The following KDM4C variants were observed in gnomAD, a reference collection of about 807,000 sequenced individuals.
KDM4C encodes the protein lysine demethylase 4C.
KDM4C carries 81 observed loss-of-function variants against 129.3 expected under a neutral mutation model. That is an observed-to-expected ratio of 0.63 (90% CI 0.52 to 0.75). KDM4C has a LOEUF of 0.75. KDM4C is among the 30% of genes least tolerant of loss of function. KDM4C has a pLI of 0.00. For synonymous variants in KDM4C, 573 were observed against 456.1 expected, an observed-to-expected ratio of 1.26 and a Z score of -3.26; for missense variants, 1,457 against 1,304.0, an observed-to-expected ratio of 1.12 and a Z score of -1.81.
rs1455710444 is a variant in KDM4C at position 6,939,972 on chromosome 9, A to ACCTTCCTT, written c.922-40950_922-40949insTCCTTCCT. The stretch of plus-strand genomic sequence containing the variant: ...AATCCAATAACCAACCTACCTACCT[A>ACCTTCCTT]CCTACCTTCCTTCCTTCCTTCCTTC... On this transcript the variant is annotated intron_variant, in intron 8 of 21. Coordinates refer to ENST00000381309, the MANE Select transcript of KDM4C (RefSeq NM_015061.6). Among the ~76,000 whole-genome samples the ACCTTCCTT allele has an allele frequency of 3.2e-3, 336 of 106,410 alleles. 4 individuals are homozygous for ACCTTCCTT. Among genetic ancestry groups the ACCTTCCTT allele is most frequent in the South Asian group, 0.011 (36 of 3,192 alleles). 69.8% of individuals were successfully genotyped at this position (106,410 alleles called of 152,430 possible). A position where few individuals can be genotyped will look rare whatever the true frequency, so the allele number is the denominator to read the frequency against.
chr9:6,757,682 T>G (rs1563934850), upstream of KDM4C: 4 of 985,474 alleles, frequency 4.1e-6, no homozygotes, highest in South Asian at 1.9e-4. Context: ...GTGTGGCGCG[T>G]GGACTACATC....
intron 18 of KDM4C, chr9:7,105,310 C>T (rs1262774436): frequency 5.3e-6 from 2 of 376,400 alleles, no homozygotes; most frequent in Admixed American, 3.1e-5. Flanking sequence ...CTGCCAGTAA[C>T]AGATTGTGCA....
intron 7 of KDM4C, among the ~76,000 whole-genome samples, chr9:6,891,341 G>C (rs1162692479): frequency 6.6e-6 from 1 of 152,194 alleles, no homozygotes; most frequent in Non-Finnish European, 1.5e-5. Context: ...AGGAAGTGAA[G>C]TACTGGCACA....
chr9:7,168,066 T>C (rs1844583428), intron 20 of KDM4C, among the ~76,000 whole-genome samples: 1 of 152,148 alleles, frequency 6.6e-6, no homozygotes, highest in African/African-American at 2.4e-5. Flanking sequence ...GGCATGCTTA[T>C]AATTACAGCT....
At chr9:6,986,260 A>C (rs190872732) in intron 10 of KDM4C, 84 bp from the exon 11 acceptor site, 1 of 912,506 alleles carries the variant, frequency 1.1e-6, no homozygotes, top group Non-Finnish European at 1.7e-6. Context: ...TGTAAGATAC[A>C]GAATCATTTG....
intron 1 of KDM4C, among the ~76,000 whole-genome samples, chr9:6,770,006 C>T (rs1315387985): frequency 8.6e-5 from 13 of 152,026 alleles, no homozygotes; most frequent in African/African-American, 3.1e-4. Flanking sequence ...CATGAGGAAA[C>T]CCTCTCTGCT....
At chr9:7,071,723 C>T (rs1833219959) in intron 17 of KDM4C, among the ~76,000 whole-genome samples, 1 of 152,034 alleles carries the variant, frequency 6.6e-6, no homozygotes, top group African/African-American at 2.4e-5. Context: ...TATGAGATTT[C>T]TTAGATAAAT....
exon 1 of KDM4C, chr9:6,720,959 A>C: frequency 6.4e-7 from 1 of 1,551,620 alleles, no homozygotes; most frequent in Non-Finnish European, 8.7e-7. Context: ...ATGAAGCACT[A>C]TGGGCTGCCC....
At chr9:7,121,684 A>G (rs1211361096) in intron 18 of KDM4C, among the ~76,000 whole-genome samples, 6 of 152,134 alleles carry the variant, frequency 3.9e-5, no homozygotes, top group African/African-American at 1.4e-4. Context: ...ATCACCAGAC[A>G]TGCTCCAAAT....
intron 3 of KDM4C, among the ~76,000 whole-genome samples, chr9:6,806,495 G>A (rs1279873874): frequency 1.5e-5 from 2 of 132,234 alleles, no homozygotes; most frequent in Non-Finnish European, 3.3e-5. Flanking sequence ...ACTCCGTCTC[G>A]AAAAAATAAA....
chr9:6,814,451 C>G (rs1322716098), intron 3 of KDM4C, among the ~76,000 whole-genome samples, 180 bp from the exon 4 acceptor site: 2 of 152,150 alleles, frequency 1.3e-5, no homozygotes, highest in African/African-American at 2.4e-5. Context: ...ATTCAGCAAT[C>G]TTAAGACTAT....
chr9:7,019,430 C>T (rs1207496460), intron 15 of KDM4C, among the ~76,000 whole-genome samples: 1 of 142,224 alleles, frequency 7.0e-6, no homozygotes, highest in Non-Finnish European at 1.5e-5. Context: ...CACTAACTCT[C>T]ATTCCTAATT....
At chr9:7,139,471 T>C (rs922901736) in intron 19 of KDM4C, among the ~76,000 whole-genome samples, 9 of 152,154 alleles carry the variant, frequency 5.9e-5, no homozygotes, top group Non-Finnish European at 7.3e-5. Flanking sequence ...CCTGAAGTCA[T>C]GTTGAAATAC....
At chr9:7,037,879 C>T (rs1457664892) in intron 15 of KDM4C, among the ~76,000 whole-genome samples, 1 of 151,978 alleles carries the variant, frequency 6.6e-6, no homozygotes, top group Non-Finnish European at 1.5e-5. Flanking sequence ...GGCTGACTAG[C>T]AGTATAGCCA....
intron 8 of KDM4C, chr9:6,925,562 C>T: frequency 1.0e-6 from 1 of 982,730 alleles, no homozygotes; most frequent in Non-Finnish European, 1.2e-6. Context: ...TCCCGAAGTT[C>T]TGGTACAAGT....
intron 18 of KDM4C, among the ~76,000 whole-genome samples, chr9:7,107,141 G>A (rs537899608): frequency 6.6e-6 from 1 of 152,246 alleles, no homozygotes; most frequent in East Asian, 1.9e-4. Flanking sequence ...CTCATCTGTC[G>A]GTGTGTGTAG....
intron 8 of KDM4C, among the ~76,000 whole-genome samples, chr9:6,972,107 T>A (rs1004364684): frequency 1.3e-5 from 2 of 151,944 alleles, no homozygotes; most frequent in Non-Finnish European, 1.5e-5. Context: ...TAACAATGGG[T>A]ACGAAATAAA....
At chr9:7,057,460 C>G (rs1831021187) in intron 17 of KDM4C, among the ~76,000 whole-genome samples, 2 of 152,244 alleles carry the variant, frequency 1.3e-5, no homozygotes, top group Non-Finnish European at 2.9e-5. Context: ...TTAAGACTGC[C>G]TGAGCCCTGT....
chr9:6,928,697 A>G (rs1164283162), intron 8 of KDM4C, among the ~76,000 whole-genome samples: 3 of 151,270 alleles, frequency 2.0e-5, no homozygotes, highest in East Asian at 1.9e-4. Flanking sequence ...TTTATCGCCT[A>G]TGATTAGTCA....
Sources: gnomAD v4.1 joint callset for allele counts (sites outside exome capture counted in the v4.1 genomes callset) on GRCh38, gnomAD v4.1.1 for gene constraint, MANE v1.5 for transcripts, NCBI Gene and HGNC (gene_info 2026-07-23, HGNC 2026-07-21) for gene names.